The following ASPH variants were observed in gnomAD, a reference collection of about 807,000 sequenced individuals.
The protein encoded by ASPH is aspartyl/asparaginyl beta-hydroxylase.
Under a neutral mutation model 118.4 loss-of-function variants are expected in ASPH, and 100 were observed. The ratio of observed to expected loss-of-function variants is 0.84; its 90% CI spans 0.72 to 1.00. ASPH has a LOEUF of 1.00. Among genes scored for constraint, ASPH ranks in the 50% least tolerant of loss-of-function variants. The pLI, the probability that ASPH is intolerant of heterozygous loss-of-function variation, is 0.00. For synonymous variants in ASPH, 315 were observed against 325.6 expected, an observed-to-expected ratio of 0.97 and a Z score of 0.35; for missense variants, 920 against 919.5, an observed-to-expected ratio of 1.00 and a Z score of -0.01.
In ASPH at chr8:61,533,915, T is replaced by A. The variant is rs868790678; in HGVS notation, c.1765-7803A>T. ...TGAGGTTTCAGGTGGGGGGTGCTAT[T>A]AAATGCATGTGCTCAGTTTGTTTAA... On this transcript the variant is annotated intron_variant, in intron 21 of 24. Transcript: ENST00000379454. Among the ~76,000 whole-genome samples, 169 of 152,330 alleles carry A rather than the reference T, an allele frequency of 1.1e-3. 1 individual carries two copies. Among genetic ancestry groups the A allele is most frequent in the African/African-American group, 3.5e-3 (144 of 41,578 alleles).
intron 14 of ASPH, among the ~76,000 whole-genome samples, chr8:61,604,683 T>C (rs1385346888): frequency 6.6e-6 from 1 of 152,230 alleles, no homozygotes; most frequent in African/African-American, 2.4e-5. Flanking sequence ...GCACACCACA[T>C]GTTTTGGTTG....
At chr8:61,597,212 A>C (rs946790081) in intron 14 of ASPH, among the ~76,000 whole-genome samples, 1 of 151,028 alleles carries the variant, frequency 6.6e-6, no homozygotes, top group African/African-American at 2.4e-5. Flanking sequence ...AAAAAAAAAA[A>C]AAACAATGAA....
intron 20 of ASPH, among the ~76,000 whole-genome samples, chr8:61,551,809 A>C (rs1378425637): frequency 2.6e-5 from 4 of 152,234 alleles, no homozygotes; most frequent in African/African-American, 9.6e-5. Flanking sequence ...GAGTGATTAC[A>C]TCTAAAAGAA....
intron 24 of ASPH, among the ~76,000 whole-genome samples, chr8:61,509,447 G>A (rs2129613406): frequency 6.6e-6 from 1 of 152,332 alleles, no homozygotes; most frequent in South Asian, 2.1e-4. Context: ...AAACTGTCAA[G>A]GCGCTGGTGG....
At chr8:61,626,181 G>C in intron 13 of ASPH, 2 of 1,385,234 alleles carry the variant, frequency 1.4e-6, no homozygotes, top group Non-Finnish European at 1.9e-6. Context: ...GATCTGCTCA[G>C]TAATTGCTTC....
intron 4 of ASPH, among the ~76,000 whole-genome samples, chr8:61,652,078 T>A (rs1010371854): frequency 6.6e-6 from 1 of 152,204 alleles, no homozygotes; most frequent in Non-Finnish European, 1.5e-5. Flanking sequence ...ACAAAATCAT[T>A]TCCAAAGCAT....
chr8:61,666,658 T>C (rs1197668891), intron 3 of ASPH, among the ~76,000 whole-genome samples: 1 of 152,190 alleles, frequency 6.6e-6, no homozygotes, highest in African/African-American at 2.4e-5. Context: ...AAAATCTTGA[T>C]TAACAAACAA....
At chr8:61,558,775 G>C (rs1828787372) in intron 18 of ASPH, among the ~76,000 whole-genome samples, 3 of 152,150 alleles carry the variant, frequency 2.0e-5, no homozygotes, top group Non-Finnish European at 4.4e-5. Context: ...CAAACCCTCA[G>C]AAAATGACAA....
chr8:61,613,975 C>T (rs1164166335), intron 14 of ASPH, among the ~76,000 whole-genome samples: 1 of 152,082 alleles, frequency 6.6e-6, no homozygotes, highest in Non-Finnish European at 1.5e-5. Context: ...AAGAACTATC[C>T]ATATGAAGTA....
chr8:61,599,997 C>T (rs965141209), intron 14 of ASPH, among the ~76,000 whole-genome samples: 2 of 152,012 alleles, frequency 1.3e-5, no homozygotes, highest in African/African-American at 2.4e-5. Context: ...ATTCCTGATA[C>T]GAAAATCCCT....
chr8:61,602,220 C>T (rs4501572), intron 14 of ASPH, among the ~76,000 whole-genome samples: 2,910 of 151,234 alleles, frequency 0.019, 234 homozygotes, highest in African/African-American at 0.068. Context: ...AAAATGTTAG[C>T]AAATCAAATC....
intron 14 of ASPH, among the ~76,000 whole-genome samples, chr8:61,616,203 C>T (rs1848963364): frequency 6.6e-6 from 1 of 152,090 alleles, no homozygotes; most frequent in Admixed American, 6.5e-5. Context: ...AGGTTCCAGC[C>T]TCTACACTTC....
In ASPH at chr8:61,541,405, C is replaced by G. The variant is rs1316816109; in HGVS notation, c.1764+6666G>C. On this transcript the variant is annotated intron_variant, in intron 21 of 24. Transcript: ENST00000379454. Reference sequence around the variant, plus strand: ...CCCTATTCATGGTAGTTAAAAGTCACTCAAGGGCCAAAATCTGGGTAATTA... The same window carrying G: ...CCCTATTCATGGTAGTTAAAAGTCAGTCAAGGGCCAAAATCTGGGTAATTA... Among the ~76,000 whole-genome samples the G allele has an allele frequency of 3.9e-5, 6 of 152,324 alleles. No homozygotes were observed. In the South Asian group the frequency reaches 8.3e-4, roughly 21 times the overall value.
chr8:61,669,124 A>G (rs1188258777), intron 3 of ASPH, among the ~76,000 whole-genome samples: 2 of 152,204 alleles, frequency 1.3e-5, no homozygotes, highest in Non-Finnish European at 2.9e-5. Flanking sequence ...TCACTAAAGA[A>G]CGAAGGTCTA....
chr8:61,706,715 G>T (rs1015786402), intron 1 of ASPH, among the ~76,000 whole-genome samples: 1 of 152,156 alleles, frequency 6.6e-6, no homozygotes, highest in South Asian at 2.1e-4. Context: ...ACACAATAGT[G>T]AAAAAGGCAG....
At position 61,713,529 on chromosome 8, in the gene ASPH, T is replaced by C. The variant is rs1304187348; in HGVS notation, c.103+740A>G. ...TATCCCAAATATGAGTCAAAGGAAG[T>C]ATAAAAGAAACCAAGAATCACTGAA... On this transcript the variant is annotated intron_variant, in intron 1 of 24. Coordinates refer to ENST00000379454, the MANE Select transcript of ASPH (RefSeq NM_004318.4). 2.6e-5 allele frequency among the ~76,000 whole-genome samples: 4 copies of C among 152,220 alleles called. No individual in the cohort carries two copies. The East Asian group carries it at 7.7e-4, about 29-fold the overall frequency.
At chr8:61,602,963 C>T (rs1022076694) in intron 14 of ASPH, among the ~76,000 whole-genome samples, 10 of 151,874 alleles carry the variant, frequency 6.6e-5, no homozygotes, top group African/African-American at 1.2e-4. Context: ...GAGGCAAAGG[C>T]GGGCAGATCA....
chr8:61,527,443 C>T (rs978588167), intron 21 of ASPH, among the ~76,000 whole-genome samples: 16 of 152,158 alleles, frequency 1.1e-4, no homozygotes, highest in Non-Finnish European at 1.9e-4. Flanking sequence ...TGGTGCCAGC[C>T]CCAGCCAAAC....
intron 14 of ASPH, among the ~76,000 whole-genome samples, chr8:61,586,908 T>G (rs556983220): frequency 2.1e-4 from 32 of 152,206 alleles, no homozygotes; most frequent in South Asian, 4.1e-4. Flanking sequence ...GCTGACCTTC[T>G]GAGAACATTC....
Sources: gnomAD v4.1 joint callset for allele counts (sites outside exome capture counted in the v4.1 genomes callset) on GRCh38, gnomAD v4.1.1 for gene constraint, MANE v1.5 for transcripts, NCBI Gene and HGNC (gene_info 2026-07-23, HGNC 2026-07-21) for gene names.